The following CTNNA2 variants were observed in gnomAD, a reference collection of about 807,000 sequenced individuals.
The protein encoded by CTNNA2 is catenin alpha-2.
A neutral mutation model predicts 101.0 loss-of-function variants in CTNNA2; 42 were observed. The observed-to-expected ratio is 0.42, with a 90% CI of 0.32 to 0.54. The LOEUF (loss-of-function observed/expected upper bound fraction) is 0.54. CTNNA2 is among the 20% of genes least tolerant of loss of function. The pLI is 0.14. For synonymous variants in CTNNA2, 450 were observed against 456.4 expected (o/e 0.99, Z 0.18); for missense variants, 871 against 1,223.1 (o/e 0.71, Z 4.29).
intron 2 of CTNNA2, among the ~76,000 whole-genome samples, chr2:79,278,054 G>A (rs1407404946): frequency 6.6e-6 from 1 of 152,092 alleles, no homozygotes; most frequent in Admixed American, 6.6e-5. Context: ...GGGTGGTGGA[G>A]GATGAAGGAA....
chr2:80,035,872 G>A (rs1574599401), intron 7 of CTNNA2, among the ~76,000 whole-genome samples: 1 of 152,188 alleles, frequency 6.6e-6, no homozygotes, highest in Non-Finnish European at 1.5e-5. Flanking sequence ...GAGGAACTGG[G>A]TAGCAACCAG....
chr2:80,643,492 G>A (rs1673711611), intron 18 of CTNNA2, among the ~76,000 whole-genome samples: 1 of 152,106 alleles, frequency 6.6e-6, no homozygotes, highest in Non-Finnish European at 1.5e-5. Context: ...CTGAAAATAA[G>A]CAGTTTCTCT....
chr2:79,340,466 C>A (rs1235587534), intron 3 of CTNNA2, among the ~76,000 whole-genome samples: 1 of 152,128 alleles, frequency 6.6e-6, no homozygotes, highest in African/African-American at 2.4e-5. Context: ...AATGACAGTT[C>A]TGAACTCTGC....
chr2:79,718,522 A>G (rs1456672882), intron 2 of CTNNA2, among the ~76,000 whole-genome samples: 1 of 152,196 alleles, frequency 6.6e-6, no homozygotes, highest in African/African-American at 2.4e-5. Flanking sequence ...TTGAGAGGTC[A>G]TGTAATTCCG....
chr2:80,098,377 AGAG>A (rs1195659827), intron 7 of CTNNA2, among the ~76,000 whole-genome samples: 1 of 152,166 alleles, frequency 6.6e-6, no homozygotes, highest in Non-Finnish European at 1.5e-5. Context: ...GTTTTGTCTC[AGAG>A]GAGTACCCGG....
At chr2:80,301,931 T>A (rs1368890684) in intron 7 of CTNNA2, 1 of 217,274 alleles carries the variant, frequency 4.6e-6, no homozygotes, top group Non-Finnish European at 8.9e-6. Flanking sequence ...AAAAAAAAAA[T>A]CAATGATTGG....
At chr2:79,283,044 C>A (rs1675443413) in intron 2 of CTNNA2, among the ~76,000 whole-genome samples, 1 of 84,650 alleles carries the variant, frequency 1.2e-5, no homozygotes, top group Non-Finnish European at 2.9e-5. Context: ...TTTTTGGCTG[C>A]ATAAATGTCT....
chr2:79,334,963 T>C (rs1352251325), intron 3 of CTNNA2, among the ~76,000 whole-genome samples: 5 of 152,130 alleles, frequency 3.3e-5, no homozygotes, highest in African/African-American at 1.2e-4. Context: ...CTCCCATATT[T>C]TCTATGTTCT....
At chr2:79,409,963 C>T (rs912694210) in intron 4 of CTNNA2, among the ~76,000 whole-genome samples, 1 of 151,918 alleles carries the variant, frequency 6.6e-6, no homozygotes, top group African/African-American at 2.4e-5. Context: ...TCTTTGTATC[C>T]TCTTTTATTT....
chr2:80,166,135 G>A (rs1704676798), intron 7 of CTNNA2, among the ~76,000 whole-genome samples: 1 of 152,158 alleles, frequency 6.6e-6, no homozygotes, highest in South Asian at 2.1e-4. Context: ...AAAAACCTTT[G>A]AAATTTTCTG....
At chr2:80,260,353 C>A (rs1672513821) in intron 7 of CTNNA2, among the ~76,000 whole-genome samples, 1 of 152,120 alleles carries the variant, frequency 6.6e-6, no homozygotes, top group African/African-American at 2.4e-5. Flanking sequence ...CTCATGGAGC[C>A]ATGGCACTAT....
intron 7 of CTNNA2, among the ~76,000 whole-genome samples, chr2:80,310,883 G>C (rs1023843647): frequency 6.7e-6 from 1 of 149,496 alleles, no homozygotes; most frequent in African/African-American, 2.5e-5. Flanking sequence ...TGAGGCAGGA[G>C]AATCACTTGA....
chr2:79,265,175 G>A (rs1238803285), intron 2 of CTNNA2, among the ~76,000 whole-genome samples: 1 of 152,142 alleles, frequency 6.6e-6, no homozygotes, highest in African/African-American at 2.4e-5. Context: ...ATTGCCGGTT[G>A]GAGACAAATT....
At chr2:79,670,892 T>C (rs553252375) in intron 2 of CTNNA2, among the ~76,000 whole-genome samples, 2 of 152,342 alleles carry the variant, frequency 1.3e-5, no homozygotes, top group East Asian at 3.9e-4. Flanking sequence ...TGTTTCCTTT[T>C]CTTCACTCAA....
intron 7 of CTNNA2, among the ~76,000 whole-genome samples, chr2:79,971,755 T>G (rs531119618): frequency 6.6e-6 from 1 of 152,316 alleles, no homozygotes; most frequent in South Asian, 2.1e-4. Flanking sequence ...CGCTGTGGCT[T>G]AAAACAGCAC....
chr2:79,803,316 G>A (rs978018374), intron 3 of CTNNA2, among the ~76,000 whole-genome samples: 1 of 152,184 alleles, frequency 6.6e-6, no homozygotes, highest in Non-Finnish European at 1.5e-5. Context: ...GGTGTGAAGT[G>A]GGAAATCAGG....
chr2:80,212,311 T>A lies in CTNNA2; in HGVS notation c.1057-180900T>A, dbSNP rs190981975. Among the ~76,000 whole-genome samples, 20 of 152,340 alleles carry A rather than the reference T, an allele frequency of 1.3e-4. 1 individual carries two copies. Among genetic ancestry groups the A allele is most frequent in the Admixed American group, 1.2e-3 (19 of 15,302 alleles). ...GTCTTGTGCCAGTTTTCAAAGGGAA[T>A]GCTTCAAGTTTTTGCCCATTCAGTA... On this transcript the variant is annotated intron_variant, in intron 7 of 18. Transcript: ENST00000402739.
At chr2:79,591,316 T>C (rs1378338928) in intron 1 of CTNNA2, among the ~76,000 whole-genome samples, 1 of 152,210 alleles carries the variant, frequency 6.6e-6, no homozygotes, top group African/African-American at 2.4e-5. Context: ...GAAGACTATA[T>C]TTATAAATGT....
chr2:79,926,782 AC>A (rs1687049788), intron 7 of CTNNA2, among the ~76,000 whole-genome samples: 1 of 151,874 alleles, frequency 6.6e-6, no homozygotes, highest in Non-Finnish European at 1.5e-5. Context: ...TGGGAGTTAT[AC>A]TAGATACAAC....
Sources: allele counts gnomAD v4.1 joint callset (sites outside exome capture counted in the v4.1 genomes callset), GRCh38; gene constraint gnomAD v4.1.1; transcripts MANE v1.5; gene names NCBI Gene and HGNC (gene_info 2026-07-23, HGNC 2026-07-21).